The following SDK1 variants were observed in gnomAD, a reference collection of about 807,000 sequenced individuals.
The protein encoded by SDK1 is protein sidekick-1.
SDK1 carries 157 observed loss-of-function variants against 245.5 expected under a neutral mutation model. That is an observed-to-expected ratio of 0.64 (90% CI 0.56 to 0.73). The LOEUF is 0.73. Among genes scored for constraint, SDK1 ranks in the 30% least tolerant of loss-of-function variants. The pLI, the probability that SDK1 is intolerant of heterozygous loss-of-function variation, is 0.00. For synonymous variants in SDK1, 1,647 were observed against 1,278.5 expected (o/e 1.29, Z -6.15); for missense variants, 3,583 against 3,002.3 (o/e 1.19, Z -4.52).
chr7:4,157,573 T>G (rs1780845750), intron 30 of SDK1, among the ~76,000 whole-genome samples: 1 of 151,820 alleles, frequency 6.6e-6, no homozygotes, highest in Non-Finnish European at 1.5e-5. Context: ...CCCGAAGTGC[T>G]AACAGCAGAA....
At chr7:4,232,168 C>T (rs948667741) in intron 40 of SDK1, among the ~76,000 whole-genome samples, 2 of 150,868 alleles carry the variant, frequency 1.3e-5, no homozygotes, top group African/African-American at 4.9e-5. Context: ...CTTACTTAAT[C>T]CTCAAAGCAA....
intron 31 of SDK1, among the ~76,000 whole-genome samples, chr7:4,159,620 C>T (rs1157163959): frequency 6.6e-6 from 1 of 152,164 alleles, no homozygotes; most frequent in African/African-American, 2.4e-5. Context: ...GGAGCCGTCC[C>T]GGGTATATGG....
At chr7:3,506,017 A>AT (rs753032208) in intron 1 of SDK1, among the ~76,000 whole-genome samples, 12 of 152,096 alleles carry the variant, frequency 7.9e-5, no homozygotes, top group Non-Finnish European at 1.6e-4. Context: ...TTTCTCTTAA[A>AT]TTTAAAAATA....
At chr7:4,048,963 T>A (rs1421387692) in intron 17 of SDK1, among the ~76,000 whole-genome samples, 1 of 152,120 alleles carries the variant, frequency 6.6e-6, no homozygotes, top group African/African-American at 2.4e-5. Flanking sequence ...GCTTGAAACA[T>A]AGTGGTATAT....
chr7:4,128,372 A>G (rs1000437544), intron 26 of SDK1, among the ~76,000 whole-genome samples: 1 of 152,318 alleles, frequency 6.6e-6, no homozygotes, highest in African/African-American at 2.4e-5. Flanking sequence ...GAGGGGATTC[A>G]GTGACCAAAA....
At chr7:3,672,985 T>G (rs1326553869) in intron 4 of SDK1, among the ~76,000 whole-genome samples, 1 of 151,456 alleles carries the variant, frequency 6.6e-6, no homozygotes, top group African/African-American at 2.4e-5. Context: ...ATTCCTTTTT[T>G]CTATTTTTTT....
At chr7:3,665,487 A>G (rs1286833429) in intron 4 of SDK1, among the ~76,000 whole-genome samples, 1 of 152,198 alleles carries the variant, frequency 6.6e-6, no homozygotes, top group Non-Finnish European at 1.5e-5. Context: ...CATCTCTTGT[A>G]TACAACACAC....
At chr7:3,675,055 G>C (rs1783848686) in intron 4 of SDK1, among the ~76,000 whole-genome samples, 1 of 152,140 alleles carries the variant, frequency 6.6e-6, no homozygotes, top group African/African-American at 2.4e-5. Context: ...GCTAGCCACG[G>C]CTGTAAACCT....
chr7:3,928,235 T>A (rs139548935), intron 5 of SDK1, among the ~76,000 whole-genome samples: 1 of 152,226 alleles, frequency 6.6e-6, no homozygotes, highest in South Asian at 2.1e-4. Context: ...GCTCGTTGAT[T>A]AAAGTACAAG....
Position 3,600,702 on chromosome 7 carries a change from C to G in SDK1, c.299-18378C>G, listed in dbSNP as rs145231178. On this transcript the variant is annotated intron_variant, in intron 1 of 44. Transcript: ENST00000404826. ...TAGCTGGGACTACAGGCACCCACCACCACGCCCGGTTAATTTTTTGTATTT... is the reference window on the plus strand; with the variant it reads ...TAGCTGGGACTACAGGCACCCACCAGCACGCCCGGTTAATTTTTTGTATTT... Among the ~76,000 whole-genome samples the G allele has an allele frequency of 8.6e-3, 1,312 of 151,910 alleles. 22 individuals are homozygous for G. Among genetic ancestry groups the G allele is most frequent in the African/African-American group, 0.029 (1,215 of 41,400 alleles).
intron 29 of SDK1, 102 bp from the exon 30 acceptor site, chr7:4,149,160 T>A: frequency 1.1e-6 from 1 of 915,624 alleles, no homozygotes; most frequent in Non-Finnish European, 1.5e-6. Flanking sequence ...GCAGCTCTCA[T>A]GGGCAAGCAG....
intron 4 of SDK1, among the ~76,000 whole-genome samples, chr7:3,697,850 T>G (rs367912318): frequency 6.6e-6 from 1 of 152,178 alleles, no homozygotes; most frequent in South Asian, 2.1e-4. Flanking sequence ...ACTCGCACTT[T>G]CAGAAAGATG....
intron 1 of SDK1, among the ~76,000 whole-genome samples, chr7:3,580,177 T>C (rs1780434415): frequency 6.6e-6 from 1 of 152,220 alleles, no homozygotes; most frequent in Non-Finnish European, 1.5e-5. Flanking sequence ...TTCATAGTCA[T>C]GGTTAGGAAG....
intron 12 of SDK1, among the ~76,000 whole-genome samples, chr7:3,974,088 G>A (rs1479005027): frequency 4.1e-5 from 6 of 148,044 alleles, no homozygotes; most frequent in African/African-American, 1.0e-4. Flanking sequence ...GGAGGCTGAG[G>A]CACAAGAATT....
chr7:4,091,665 A>T (rs923719541), intron 22 of SDK1, among the ~76,000 whole-genome samples: 4 of 152,096 alleles, frequency 2.6e-5, no homozygotes, highest in Non-Finnish European at 5.9e-5. Context: ...GCTTTTAACA[A>T]TGATGAATGA....
chr7:4,161,912 C>T lies in SDK1; in HGVS notation c.4800+56C>T, dbSNP rs879229842. On this transcript the variant is annotated intron_variant, in intron 32 of 44. Coordinates refer to ENST00000404826, the MANE Select transcript of SDK1 (RefSeq NM_152744.4). ...TCAAATGTGTTCTCATTTCCCTGCG[C>T]ATTCAGCCACAACGGCTGACATGGA... 4.5e-5 allele frequency: 66 copies of T among 1,475,016 alleles called. 1 individual carries two copies. The South Asian group carries it at 6.9e-4, about 15-fold the overall frequency. 91.4% of individuals were successfully genotyped at this position (1,475,016 alleles called of 1,614,324 possible).
At chr7:4,014,389 G>C (rs1454022241) in intron 16 of SDK1, among the ~76,000 whole-genome samples, 1 of 152,194 alleles carries the variant, frequency 6.6e-6, no homozygotes, top group Non-Finnish European at 1.5e-5. Flanking sequence ...AATCCAGAAA[G>C]CTCCAAGATG....
At chr7:3,346,861 G>A (rs1780522054) in intron 1 of SDK1, among the ~76,000 whole-genome samples, 1 of 56,660 alleles carries the variant, frequency 1.8e-5, no homozygotes, top group African/African-American at 6.9e-5. Flanking sequence ...TGGTATAGCA[G>A]TGTTTTGCTA....
intron 2 of SDK1, among the ~76,000 whole-genome samples, chr7:3,626,869 A>G (rs2128646739): frequency 6.6e-6 from 1 of 152,268 alleles, no homozygotes; most frequent in African/African-American, 2.4e-5. Context: ...AAAGTTGGGA[A>G]AAAAACAAAT....
Sources: allele counts gnomAD v4.1 joint callset (sites outside exome capture counted in the v4.1 genomes callset), GRCh38; gene constraint gnomAD v4.1.1; transcripts MANE v1.5; gene names NCBI Gene and HGNC (gene_info 2026-07-23, HGNC 2026-07-21).